CTNND2: variants seen among roughly 807,000 people sequenced by gnomAD.
CTNND2 encodes the protein catenin delta 2, also known as catenin delta-2.
CTNND2 carries 22 observed loss-of-function variants against 144.4 expected under a neutral mutation model. The observed-to-expected ratio is 0.15, with a 90% CI of 0.11 to 0.22. The LOEUF (loss-of-function observed/expected upper bound fraction) is 0.22, where lower values mean the gene tolerates loss of function less well. Among genes scored for constraint, CTNND2 ranks in the 10% least tolerant of loss-of-function variants. CTNND2 has a pLI of 1.00. For missense variants in CTNND2, 1,353 were observed against 1,618.8 expected, an observed-to-expected ratio of 0.84 and a Z score of 2.82; for synonymous variants, 751 against 695.6, an observed-to-expected ratio of 1.08 and a Z score of -1.25.
chr5:11,428,810 A>G (rs181144464), intron 3 of CTNND2, among the ~76,000 whole-genome samples: 40 of 152,348 alleles, frequency 2.6e-4, no homozygotes, highest in Admixed American at 2.4e-3. Flanking sequence ...AGAAGTGATC[A>G]ATCTACCGAG....
In CTNND2 at chr5:11,551,748, G is replaced by A. The variant is rs368896224; in HGVS notation, c.287+13196C>T. Among the ~76,000 whole-genome samples, 187 of 152,136 alleles carry A rather than the reference G, an allele frequency of 1.2e-3. 2 individuals carry two copies. In the Middle Eastern group the frequency reaches 0.048, roughly 39 times the overall value. On this transcript the variant is annotated intron_variant, in intron 3 of 21. Transcript: ENST00000304623. ...CCAGTAGCTGGGATTACAGGCACCC[G>A]CCTCCACATCCAGCTAATTTTTTTG...
chr5:11,413,128 G>C (rs1261947324), intron 3 of CTNND2, among the ~76,000 whole-genome samples: 1 of 152,082 alleles, frequency 6.6e-6, no homozygotes, highest in Non-Finnish European at 1.5e-5. Context: ...TAGGAAACTG[G>C]ACAATGGTTT....
intron 12 of CTNND2, among the ~76,000 whole-genome samples, chr5:11,119,266 T>C (rs1371599100): frequency 6.6e-6 from 1 of 152,238 alleles, no homozygotes; most frequent in African/African-American, 2.4e-5. Flanking sequence ...AGTTTTTTGA[T>C]ACCTAAAAAG....
At chr5:11,837,538 C>T (rs1410722586) in intron 1 of CTNND2, among the ~76,000 whole-genome samples, 1 of 152,146 alleles carries the variant, frequency 6.6e-6, no homozygotes, top group Non-Finnish European at 1.5e-5. Flanking sequence ...AATCTCCATT[C>T]GTAGCTGGAC....
rs967345032 is a variant in CTNND2 at position 11,424,780 on chromosome 5, AT to A, written c.288-12712del. ...ATTTCCATGTAATAATTAAACTAGAATTTTTTTTAAAAGATTGGGAATAGTG... is the reference window on the plus strand; with the variant it reads ...ATTTCCATGTAATAATTAAACTAGAATTTTTTTAAAAGATTGGGAATAGTG... On this transcript the variant is annotated intron_variant, in intron 3 of 21. Transcript: ENST00000304623. 1.1e-4 allele frequency among the ~76,000 whole-genome samples: 17 copies of A among 152,250 alleles called. No individual in the cohort carries two copies. The East Asian group carries it at 2.3e-3, about 21-fold the overall frequency.
At chr5:11,612,006 A>C (rs1412941113) in intron 2 of CTNND2, among the ~76,000 whole-genome samples, 1 of 152,206 alleles carries the variant, frequency 6.6e-6, no homozygotes, top group Non-Finnish European at 1.5e-5. Flanking sequence ...TGACATTAAA[A>C]GCAAAACATA....
chr5:11,187,138 T>C (rs1303338473), intron 11 of CTNND2, among the ~76,000 whole-genome samples: 1 of 152,112 alleles, frequency 6.6e-6, no homozygotes, highest in East Asian at 1.9e-4. Flanking sequence ...TCCTACTCTG[T>C]GACAAAGGTA....
intron 2 of CTNND2, among the ~76,000 whole-genome samples, chr5:11,691,844 T>C (rs1352009799): frequency 2.6e-5 from 4 of 152,164 alleles, no homozygotes; most frequent in Admixed American, 2.6e-4. Flanking sequence ...TAAGCTATGA[T>C]TGCACCGCTG....
chr5:11,500,285 G>A (rs1459751403), intron 3 of CTNND2, among the ~76,000 whole-genome samples: 1 of 152,084 alleles, frequency 6.6e-6, no homozygotes, highest in African/African-American at 2.4e-5. Context: ...CTAACACATG[G>A]CAAGCTCTTA....
chr5:11,651,255 T>C (rs1036665637), intron 2 of CTNND2, among the ~76,000 whole-genome samples: 4 of 152,022 alleles, frequency 2.6e-5, no homozygotes, highest in African/African-American at 9.7e-5. Context: ...GCTCCAGAGG[T>C]TGCAAAACAG....
At chr5:11,010,725 G>A (rs1017147108) in intron 18 of CTNND2, among the ~76,000 whole-genome samples, 2 of 152,230 alleles carry the variant, frequency 1.3e-5, no homozygotes, top group Non-Finnish European at 2.9e-5. Flanking sequence ...TTTTGTGAGT[G>A]CAATGGCCGC....
At chr5:11,113,868 A>G (rs1011170679) in intron 13 of CTNND2, among the ~76,000 whole-genome samples, 2 of 152,142 alleles carry the variant, frequency 1.3e-5, no homozygotes, top group Non-Finnish European at 2.9e-5. Context: ...GGTGAAAGGT[A>G]GCAGGTGCCC....
At chr5:11,224,517 T>C (rs566082737) in intron 10 of CTNND2, among the ~76,000 whole-genome samples, 1 of 152,316 alleles carries the variant, frequency 6.6e-6, no homozygotes, top group Non-Finnish European at 1.5e-5. Context: ...CAAGATTCCA[T>C]ATCTTTTTGA....
In CTNND2 at chr5:11,809,250, T is replaced by C. The variant is rs61761653; in HGVS notation, c.38-76978A>G. Among the ~76,000 whole-genome samples, 1,154 of 152,328 alleles carry C rather than the reference T, an allele frequency of 7.6e-3. 6 individuals are homozygous for C. Among genetic ancestry groups the C allele is most frequent in the African/African-American group, 0.026 (1,088 of 41,572 alleles). ...ATTTATTCTAGGATTCCATTGATTG[T>C]ATCACTTTCAAAGTGATGTAAAGCT... is the stretch of plus-strand genomic sequence containing the variant. On this transcript the variant is annotated intron_variant, in intron 1 of 21. Coordinates refer to ENST00000304623, the MANE Select transcript of CTNND2 (RefSeq NM_001332.4).
intron 2 of CTNND2, among the ~76,000 whole-genome samples, chr5:11,594,255 T>C (rs565825001): frequency 2.6e-5 from 4 of 152,252 alleles, no homozygotes; most frequent in African/African-American, 9.6e-5. Flanking sequence ...TATGACTGAG[T>C]CTCACACACA....
chr5:11,673,772 AAG>A (rs1413090380), intron 2 of CTNND2, among the ~76,000 whole-genome samples: 1 of 152,210 alleles, frequency 6.6e-6, no homozygotes, highest in African/African-American at 2.4e-5. Flanking sequence ...TCAGATAAAA[AAG>A]AAAAATAAAT....
intron 2 of CTNND2, chr5:11,588,821 G>C (rs1779040009): frequency 1.0e-6 from 1 of 985,150 alleles, no homozygotes; most frequent in Non-Finnish European, 1.2e-6. Context: ...CAAAGATGAA[G>C]GGTTACTCTT....
In CTNND2 at chr5:11,903,694, C is replaced by T. The variant is rs1738092237; in HGVS notation, c.37+123G>A. The T allele has an allele frequency of 8.5e-6, 9 of 1,061,198 alleles. 1 individual carries two copies. The South Asian group carries it at 1.8e-4, about 21-fold the overall frequency. 65.7% of individuals were successfully genotyped at this position (1,061,198 alleles called of 1,614,324 possible). On this transcript the variant is annotated intron_variant, in intron 1 of 21. Transcript: ENST00000304623. The surrounding 1 kb of genome is among the most constrained non-coding windows in gnomAD (Gnocchi z 5.4). Reference sequence around the variant, plus strand: ...CTCCCCGAGGCAGGCAGAAACCCCGCAGCAGCCGCCGCCGCCGCCTGCCGG... The same window carrying T: ...CTCCCCGAGGCAGGCAGAAACCCCGTAGCAGCCGCCGCCGCCGCCTGCCGG...
intron 2 of CTNND2, among the ~76,000 whole-genome samples, chr5:11,594,428 G>A (rs1261682425): frequency 6.6e-6 from 1 of 151,854 alleles, no homozygotes; most frequent in Non-Finnish European, 1.5e-5. Context: ...GCTATAACAG[G>A]CATGCATGTA....
Sources: allele counts gnomAD v4.1 joint callset (sites outside exome capture counted in the v4.1 genomes callset), GRCh38; gene constraint gnomAD v4.1.1; non-coding constraint Gnocchi (gnomAD v3.1); transcripts MANE v1.5; gene names NCBI Gene and HGNC (gene_info 2026-07-23, HGNC 2026-07-21).